The following NR3C1 variants were observed in gnomAD, a reference collection of about 807,000 sequenced individuals.
The protein encoded by NR3C1 is nuclear receptor subfamily 3 group C member 1.
A neutral mutation model predicts 74.0 loss-of-function variants in NR3C1; 14 were observed. The observed-to-expected ratio is 0.19, with a 90% CI of 0.12 to 0.30. The LOEUF (loss-of-function observed/expected upper bound fraction) is 0.30, where lower values mean the gene tolerates loss of function less well. NR3C1 is among the 10% of genes least tolerant of loss of function. NR3C1 has a pLI of 1.00. For missense variants in NR3C1, 695 were observed against 909.8 expected (o/e 0.76, Z 3.04); for synonymous variants, 308 against 332.5 (o/e 0.93, Z 0.80).
Position 143,400,270 on chromosome 5 carries a change from G to C in NR3C1, c.570C>G (p.Thr190=). Residue 190 remains threonine, a synonymous_variant, in exon 2 of 9, where the codon ACC becomes ACG. Transcript: ENST00000394464. ...ACTCCAAATCCTGCAAAATGTCAAA[G>C]GTGCTTTGGTCTGTGGTATACAATT... is the stretch of plus-strand genomic sequence containing the variant. The part of the protein sequence containing the change: ...NVKLYTTDQS[T]FDILQDLEFS... The C allele has an allele frequency of 6.3e-7, 1 of 1,598,268 alleles. No homozygotes were observed. The highest frequency in any genetic ancestry group is 1.1e-5 in the South Asian group (1 of 88,496).
intron 7 of NR3C1, among the ~76,000 whole-genome samples, chr5:143,292,375 A>AAAAGTCACAG (rs1421098411): frequency 6.6e-6 from 1 of 152,160 alleles, no homozygotes; most frequent in East Asian, 1.9e-4. Flanking sequence ...GTGGGTCTGA[A>AAAAGTCACAG]TCCCTGGGCT....
At chr5:143,295,934 G>A (rs1026448494) in intron 6 of NR3C1, among the ~76,000 whole-genome samples, 1 of 151,952 alleles carries the variant, frequency 6.6e-6, no homozygotes, top group Admixed American at 6.6e-5. Flanking sequence ...ATTTGAATAC[G>A]GTCAATTAGA....
At position 143,281,535 on chromosome 5, in the gene NR3C1, A is replaced by AAAAAGAG; in HGVS notation, c.*353_*354insCTCTTTT. On this transcript the variant is annotated 3_prime_UTR_variant, in exon 9 of 9. Transcript: ENST00000394464. ...AAATTTCATCCAGCCAACTGTGAAA[A>AAAAAGAG]AAAGTATGAAGAGAAAGTTCATCAC... is the stretch of plus-strand genomic sequence containing the variant. The AAAAAGAG allele has an allele frequency of 4.0e-6, 1 of 248,100 alleles. No homozygotes were observed. The highest frequency in any genetic ancestry group is 5.1e-5 in the South Asian group (1 of 19,764). 15.4% of individuals were successfully genotyped at this position (248,100 alleles called of 1,614,324 possible). A position where few individuals can be genotyped will look rare whatever the true frequency, so the allele number is the denominator to read the frequency against.
chr5:143,299,001 T>TTG (rs1226185254), intron 5 of NR3C1, among the ~76,000 whole-genome samples, 189 bp from the exon 6 acceptor site: 1 of 141,204 alleles, frequency 7.1e-6, no homozygotes, highest in African/African-American at 2.6e-5. Flanking sequence ...ACAAACCCTC[T>TTG]TGTGTTTTTT....
intron 4 of NR3C1, among the ~76,000 whole-genome samples, chr5:143,306,447 C>T (rs1051262187): frequency 6.6e-6 from 1 of 152,072 alleles, no homozygotes; most frequent in Non-Finnish European, 1.5e-5. Context: ...CATACCAGGC[C>T]AAATAAAGAT....
chr5:143,377,512 G>A (rs1011485459), intron 2 of NR3C1, among the ~76,000 whole-genome samples: 23 of 152,326 alleles, frequency 1.5e-4, no homozygotes, highest in African/African-American at 5.3e-4. Flanking sequence ...ACAGTTAATT[G>A]TTTCTTAATT....
chr5:143,386,933 C>T (rs1484305670), intron 2 of NR3C1, among the ~76,000 whole-genome samples: 1 of 152,160 alleles, frequency 6.6e-6, no homozygotes, highest in Non-Finnish European at 1.5e-5. Context: ...GAAGGAGAAC[C>T]ACTATGCTAT....
intron 1 of NR3C1, among the ~76,000 whole-genome samples, chr5:143,432,161 G>A (rs1438344902): frequency 6.6e-6 from 1 of 152,100 alleles, no homozygotes; most frequent in Non-Finnish European, 1.5e-5. Flanking sequence ...TACAGTGCCA[G>A]CCTAGCTGAA....
At chr5:143,418,593 C>T (rs1226826401) in intron 1 of NR3C1, among the ~76,000 whole-genome samples, 1 of 152,134 alleles carries the variant, frequency 6.6e-6, no homozygotes, top group Non-Finnish European at 1.5e-5. Context: ...TAAGGTATGG[C>T]CCCTGCCCTC....
At chr5:143,392,085 G>C (rs548654978) in intron 2 of NR3C1, among the ~76,000 whole-genome samples, 1 of 151,756 alleles carries the variant, frequency 6.6e-6, no homozygotes, top group South Asian at 2.1e-4. Flanking sequence ...CCTGCCTCAG[G>C]CTCCCGAGTA....
At chr5:143,290,032 T>TA (rs1296160996) in intron 7 of NR3C1, among the ~76,000 whole-genome samples, 1 of 152,260 alleles carries the variant, frequency 6.6e-6, no homozygotes, top group Non-Finnish European at 1.5e-5. Context: ...AAAGGTATAG[T>TA]AAAATCTCAT....
At chr5:143,388,458 A>G (rs1223710846) in intron 2 of NR3C1, among the ~76,000 whole-genome samples, 1 of 152,210 alleles carries the variant, frequency 6.6e-6, no homozygotes, top group Non-Finnish European at 1.5e-5. Context: ...TAGAGGTCTT[A>G]CTATGTGCTA....
At chr5:143,311,312 G>GA (rs958266545) in intron 3 of NR3C1, among the ~76,000 whole-genome samples, 9 of 151,726 alleles carry the variant, frequency 5.9e-5, no homozygotes, top group Non-Finnish European at 8.8e-5. Context: ...AAGAAAAAAA[G>GA]AAAAAAAATC....
chr5:143,361,309 AGG>A (rs1480620661), intron 2 of NR3C1, among the ~76,000 whole-genome samples: 1 of 152,246 alleles, frequency 6.6e-6, no homozygotes, highest in Non-Finnish European at 1.5e-5. Context: ...AAATTAAAAA[AGG>A]AAATAAAAAA....
At chr5:143,386,724 A>C (rs1483134441) in intron 2 of NR3C1, among the ~76,000 whole-genome samples, 1 of 152,254 alleles carries the variant, frequency 6.6e-6, no homozygotes, top group Non-Finnish European at 1.5e-5. Context: ...CTATTTCTGT[A>C]AATTCTGAAG....
chr5:143,392,865 TTCCAGATG>T (rs984868560), intron 2 of NR3C1, among the ~76,000 whole-genome samples: 1 of 152,204 alleles, frequency 6.6e-6, no homozygotes, highest in African/African-American at 2.4e-5. Context: ...CAACTATTTG[TTCCAGATG>T]TCTAGAAGAG....
intron 7 of NR3C1, among the ~76,000 whole-genome samples, chr5:143,294,594 G>C (rs929662914): frequency 6.6e-6 from 1 of 152,146 alleles, no homozygotes; most frequent in East Asian, 1.9e-4. Flanking sequence ...AGTATCATAC[G>C]AAGTATTTTC....
intron 2 of NR3C1, among the ~76,000 whole-genome samples, chr5:143,330,316 T>C (rs940511537): frequency 6.6e-6 from 1 of 152,216 alleles, no homozygotes; most frequent in Non-Finnish European, 1.5e-5. Flanking sequence ...GAATAAATGG[T>C]AGCTACTGTT....
At position 143,413,856 on chromosome 5, in the gene NR3C1, G is replaced by A. The variant is rs7723528; in HGVS notation, c.-13-13004C>T. Among the ~76,000 whole-genome samples the A allele has an allele frequency of 3.7e-3, 560 of 152,226 alleles. 2 individuals carry two copies. Among genetic ancestry groups the A allele is most frequent in the African/African-American group, 0.013 (533 of 41,548 alleles). On this transcript the variant is annotated intron_variant, in intron 1 of 8. Transcript: ENST00000343796. Reference sequence around the variant, plus strand: ...AAATGAAAGAGAGAGAAGAGGAGGTGCTTCTCCAAATAATTGGAGATTTTA... The same window carrying A: ...AAATGAAAGAGAGAGAAGAGGAGGTACTTCTCCAAATAATTGGAGATTTTA...
Sources: gnomAD v4.1 joint callset for allele counts (sites outside exome capture counted in the v4.1 genomes callset) on GRCh38, gnomAD v4.1.1 for gene constraint, MANE v1.5 for transcripts, NCBI Gene and HGNC (gene_info 2026-07-23, HGNC 2026-07-21) for gene names.